The following GIN1 variants were observed in gnomAD, a reference collection of about 807,000 sequenced individuals.
The protein encoded by GIN1 is gypsy retrotransposon integrase-like protein 1.
GIN1 carries 41 observed loss-of-function variants against 51.4 expected under a neutral mutation model. That is an observed-to-expected ratio of 0.80 (90% CI 0.62 to 1.04). GIN1 has a LOEUF of 1.04. GIN1 is among the 50% of genes least tolerant of loss of function. The pLI, the probability that GIN1 is intolerant of heterozygous loss-of-function variation, is 0.00. For synonymous variants in GIN1, 222 were observed against 206.5 expected (o/e 1.07, Z -0.64); for missense variants, 610 against 612.4 (o/e 1.00, Z 0.04).
chr5:103,108,415 A>C (rs369077437), intron 2 of GIN1, among the ~76,000 whole-genome samples, 154 bp downstream of exon 2: 44 of 152,174 alleles, frequency 2.9e-4, no homozygotes, highest in African/African-American at 1.1e-3. Flanking sequence ...GCTTGAGTGT[A>C]ATTTTTATTT....
At chr5:103,101,571 G>C (rs1021874813) in intron 4 of GIN1, among the ~76,000 whole-genome samples, 1 of 152,186 alleles carries the variant, frequency 6.6e-6, no homozygotes, top group Non-Finnish European at 1.5e-5. Flanking sequence ...TGTGGTTGAT[G>C]ATGGGTGTTT....
At chr5:103,099,022 G>A (rs1462668542) in intron 4 of GIN1, among the ~76,000 whole-genome samples, 1 of 150,646 alleles carries the variant, frequency 6.6e-6, no homozygotes, top group Non-Finnish European at 1.5e-5. Context: ...ATTATTTTTA[G>A]TTGAGTAAAC....
chr5:103,113,532 T>TG (rs1427329582), intron 1 of GIN1, among the ~76,000 whole-genome samples: 1 of 151,356 alleles, frequency 6.6e-6, no homozygotes, highest in Non-Finnish European at 1.5e-5. Context: ...TTTTTTTTTT[T>TG]TTTTTTTGAG....
rs1185657666 is a variant in GIN1, at chr5:103,090,162, G to A, written c.1295-1990C>T. 7.2e-5 allele frequency among the ~76,000 whole-genome samples: 11 copies of A among 152,138 alleles called. 1 individual carries two copies. Among genetic ancestry groups the A allele is most frequent in the Admixed American group, 6.5e-4 (10 of 15,278 alleles). On this transcript the variant is annotated intron_variant, in intron 7 of 7. Coordinates refer to ENST00000399004, the MANE Select transcript of GIN1 (RefSeq NM_017676.2). Reference sequence around the variant, plus strand: ...AAATTAGTCAGGCATGGTGGCATGTGCCTGTAATCCCAGCTACTGGGGAGG... The same window carrying A: ...AAATTAGTCAGGCATGGTGGCATGTACCTGTAATCCCAGCTACTGGGGAGG...
intron 7 of GIN1, among the ~76,000 whole-genome samples, chr5:103,091,041 C>T (rs1377391160): frequency 6.6e-6 from 1 of 152,038 alleles, no homozygotes; most frequent in African/African-American, 2.4e-5. Context: ...CATAGAAAAC[C>T]ACTCTGAATA....
At chr5:103,112,090 G>A (rs186848598) in intron 1 of GIN1, among the ~76,000 whole-genome samples, 2 of 152,202 alleles carry the variant, frequency 1.3e-5, no homozygotes, top group Non-Finnish European at 2.9e-5. Flanking sequence ...GAAAAGGAAA[G>A]CACTACAAAA....
At position 103,089,827 on chromosome 5, in the gene GIN1, T is replaced by C. The variant is rs537156652; in HGVS notation, c.1295-1655A>G. On this transcript the variant is annotated intron_variant, in intron 7 of 7. Transcript: ENST00000399004. ...CATAACATTATTACAAATAGCTCACTGAACCTATTTCAACCCCAGAAATTC... is the reference window on the plus strand; with the variant it reads ...CATAACATTATTACAAATAGCTCACCGAACCTATTTCAACCCCAGAAATTC... 3.9e-5 allele frequency among the ~76,000 whole-genome samples: 6 copies of C among 152,302 alleles called. No individual in the cohort carries two copies. In the South Asian group the frequency reaches 1.2e-3, roughly 32 times the overall value.
At chr5:103,091,665 T>G (rs1297427390) in intron 7 of GIN1, among the ~76,000 whole-genome samples, 2 of 152,158 alleles carry the variant, frequency 1.3e-5, no homozygotes, top group Non-Finnish European at 2.9e-5. Flanking sequence ...GATATCCATT[T>G]CTAATGTAGG....
chr5:103,113,132 T>C (rs1787932850), intron 1 of GIN1, among the ~76,000 whole-genome samples: 1 of 152,004 alleles, frequency 6.6e-6, no homozygotes, highest in Non-Finnish European at 1.5e-5. Flanking sequence ...CCTCTGTCTC[T>C]AATATGGTCC....
chr5:103,113,553 G>A (rs935290138), intron 1 of GIN1, among the ~76,000 whole-genome samples: 7 of 143,722 alleles, frequency 4.9e-5, no homozygotes, highest in Non-Finnish European at 9.0e-5. Context: ...ACAGAGTTGC[G>A]CTCTGTCGCC....
intron 3 of GIN1, 179 bp downstream of exon 3, chr5:103,106,537 C>T: frequency 2.3e-6 from 1 of 438,928 alleles, no homozygotes; most frequent in Non-Finnish European, 4.0e-6. Context: ...TGCTTCTTTC[C>T]TGTTCAAATT....
chr5:103,094,932 A>C (rs541241594), intron 7 of GIN1, among the ~76,000 whole-genome samples: 8 of 152,304 alleles, frequency 5.3e-5, no homozygotes, highest in African/African-American at 1.9e-4. Flanking sequence ...TGACTAAACA[A>C]CTCGGTCTGT....
chr5:103,102,469 G>A (rs896132966), intron 4 of GIN1: 9 of 152,098 alleles, frequency 5.9e-5, no homozygotes, highest in African/African-American at 1.4e-4. Context: ...TTTCTTCATC[G>A]AATGCTGTGA....
rs145229000 is a variant in GIN1, at chr5:103,099,690, C to T, written c.640-1909G>A. On this transcript the variant is annotated intron_variant, in intron 4 of 7. Coordinates refer to ENST00000399004, the MANE Select transcript of GIN1 (RefSeq NM_017676.2). ...CCCCCAACCATCAAACCAGATATTC[C>T]GTCAGTTCTTACAATTTTAGTTTTC... Among the ~76,000 whole-genome samples, 65 of 152,236 alleles carry T rather than the reference C, an allele frequency of 4.3e-4. No homozygotes were observed. In the East Asian group the frequency reaches 0.01, roughly 24 times the overall value.
At chr5:103,115,551 A>G (rs1788009634) in intron 1 of GIN1, among the ~76,000 whole-genome samples, 1 of 152,092 alleles carries the variant, frequency 6.6e-6, no homozygotes, top group Non-Finnish European at 1.5e-5. Flanking sequence ...TTATTATTTA[A>G]CTGGTCAAGA....
At chr5:103,102,587 A>G (rs34823) in intron 4 of GIN1, 37,142 of 152,132 alleles carry the variant, frequency 0.24, 5,175 homozygotes, top group East Asian at 0.45. Flanking sequence ...ACAGGTACAC[A>G]TTACCCATTA....
intron 1 of GIN1, among the ~76,000 whole-genome samples, chr5:103,108,957 T>C (rs1787803141): frequency 6.6e-6 from 1 of 152,038 alleles, no homozygotes; most frequent in East Asian, 1.9e-4. Flanking sequence ...TAAGAAATGC[T>C]GAAAATTTTC....
rs555242635 is a variant in GIN1 at position 103,104,413 on chromosome 5, A to T, written c.639+128T>A. ...CTATCCTTGTAGTATTTAATATCAT[A>T]CCTCTATACCTACAGAAATTTATCT... On this transcript the variant is annotated intron_variant, in intron 4 of 7. Coordinates refer to ENST00000399004, the MANE Select transcript of GIN1 (RefSeq NM_017676.2). 1.8e-4 allele frequency: 106 copies of T among 576,012 alleles called. 1 individual carries two copies. In the East Asian group the frequency reaches 2.9e-3, roughly 16 times the overall value. The allele number at this position is 576,012 out of a possible 1,614,324, so 35.7% of individuals were successfully genotyped here. A position where few individuals can be genotyped will look rare whatever the true frequency, so the allele number is the denominator to read the frequency against.
In GIN1 at chr5:103,097,376, T is replaced by G. The variant is rs782634722; in HGVS notation, c.946A>C (p.Ile316Leu). 3 of 1,599,080 alleles carry G rather than the reference T, an allele frequency of 1.9e-6. No individual in the cohort carries two copies. The highest frequency in any genetic ancestry group is 2.6e-6 in the Non-Finnish European group (3 of 1,166,600). The change falls in exon 6 of 8, where the codon ATT (isoleucine) becomes CTT (leucine). Residue 316 changes from isoleucine (I) to leucine (L), a missense_variant. Coordinates refer to ENST00000399004, the MANE Select transcript of GIN1 (RefSeq NM_017676.2). ...TCAGCTTCTTTAATTGCATCTAGAATTTTGGCAAACATACTTGTATTATCA... is the reference window on the plus strand; with the variant it reads ...TCAGCTTCTTTAATTGCATCTAGAAGTTTGGCAAACATACTTGTATTATCA... ...DGDNTSMFAK[I>L]LDAIKEADKI...
Sources: allele counts gnomAD v4.1 joint callset (sites outside exome capture counted in the v4.1 genomes callset), GRCh38; gene constraint gnomAD v4.1.1; transcripts MANE v1.5; gene names NCBI Gene and HGNC (gene_info 2026-07-23, HGNC 2026-07-21).